The following DACH1 variants were observed in gnomAD, a reference collection of about 807,000 sequenced individuals.
DACH1 encodes dachshund family transcription factor 1, also known as dachshund homolog 1.
A neutral mutation model predicts 54.2 loss-of-function variants in DACH1; 12 were observed. The ratio of observed to expected loss-of-function variants is 0.22; its 90% CI spans 0.14 to 0.36. DACH1 has a LOEUF of 0.36. Among genes scored for constraint, DACH1 ranks in the 10% least tolerant of loss-of-function variants. The pLI, the probability that DACH1 is intolerant of heterozygous loss-of-function variation, is 1.00. For synonymous variants in DACH1, 386 were observed against 366.2 expected, an observed-to-expected ratio of 1.05 and a Z score of -0.62; for missense variants, 805 against 929.8, an observed-to-expected ratio of 0.87 and a Z score of 1.75.
intron 2 of DACH1, among the ~76,000 whole-genome samples, chr13:71,642,453 T>C (rs1204456219): frequency 6.6e-6 from 1 of 152,234 alleles, no homozygotes; most frequent in Non-Finnish European, 1.5e-5. Flanking sequence ...CAAGTACGTA[T>C]ATCTCTTCTG....
chr13:71,808,529 T>C (rs538060185), intron 1 of DACH1, among the ~76,000 whole-genome samples: 5 of 152,192 alleles, frequency 3.3e-5, no homozygotes, highest in Admixed American at 6.5e-5. Flanking sequence ...GAGGCACTAA[T>C]GTAATCTATT....
chr13:71,476,948 T>C (rs1220697138), intron 8 of DACH1, among the ~76,000 whole-genome samples: 1 of 151,256 alleles, frequency 6.6e-6, no homozygotes, highest in African/African-American at 2.4e-5. Context: ...CATTCCATAT[T>C]TACTGTTTGA....
chr13:71,648,824 T>G (rs1285123188), intron 2 of DACH1, among the ~76,000 whole-genome samples: 2 of 152,158 alleles, frequency 1.3e-5, no homozygotes, highest in Admixed American at 6.5e-5. Context: ...TTCCTTCCTA[T>G]AATCTCACCA....
At chr13:71,809,186 T>C (rs1334081937) in intron 1 of DACH1, among the ~76,000 whole-genome samples, 1 of 152,110 alleles carries the variant, frequency 6.6e-6, no homozygotes, top group African/African-American at 2.4e-5. Flanking sequence ...AAAAAACAAA[T>C]ATGTGAAAAG....
At chr13:71,460,750 T>C (rs2138138619) in intron 10 of DACH1, among the ~76,000 whole-genome samples, 1 of 152,162 alleles carries the variant, frequency 6.6e-6, no homozygotes, top group Admixed American at 6.6e-5. Flanking sequence ...CAATAAAATA[T>C]CTATGAATAA....
At chr13:71,518,811 C>A (rs1052450226) in intron 6 of DACH1, among the ~76,000 whole-genome samples, 3 of 151,626 alleles carry the variant, frequency 2.0e-5, no homozygotes, top group African/African-American at 7.3e-5. Flanking sequence ...AACTATGGAC[C>A]ATAGGTCAGA....
At chr13:71,835,681 T>C (rs1888755654) in intron 1 of DACH1, among the ~76,000 whole-genome samples, 1 of 152,122 alleles carries the variant, frequency 6.6e-6, no homozygotes, top group Admixed American at 6.6e-5. Context: ...GAATTAGTAA[T>C]ATTGTTTCTG....
At chr13:71,768,902 T>A (rs1244947185) in intron 1 of DACH1, among the ~76,000 whole-genome samples, 1 of 151,864 alleles carries the variant, frequency 6.6e-6, no homozygotes, top group African/African-American at 2.4e-5. Context: ...GTCTTGGAGC[T>A]TTTTTTCTCT....
chr13:71,641,500 G>T (rs1194075952), intron 2 of DACH1, among the ~76,000 whole-genome samples: 1 of 152,022 alleles, frequency 6.6e-6, no homozygotes, highest in Non-Finnish European at 1.5e-5. Context: ...TCCTCATCTG[G>T]TTACAAAGAA....
chr13:71,503,067 G>T (rs1354036958), intron 6 of DACH1, among the ~76,000 whole-genome samples: 1 of 152,144 alleles, frequency 6.6e-6, no homozygotes, highest in Non-Finnish European at 1.5e-5. Flanking sequence ...CATCTCTTGG[G>T]ACAGGCAGCA....
At chr13:71,576,083 CAT>C (rs1885510130) in intron 3 of DACH1, among the ~76,000 whole-genome samples, 1 of 151,994 alleles carries the variant, frequency 6.6e-6, no homozygotes, top group South Asian at 2.1e-4. Context: ...AACACACAAA[CAT>C]ATATACACAC....
rs568807620 is a variant in DACH1, at chr13:71,702,183, A to C, written c.849-20273T>G. ...TTATTCACATCTAAAGACTTGAAAT[A>C]TATGAAGTTCTCAACTTTAAAATGA... On this transcript the variant is annotated intron_variant, in intron 1 of 10. Coordinates refer to ENST00000613252, the MANE Select transcript of DACH1 (RefSeq NM_080759.6). Among the ~76,000 whole-genome samples, 9 of 152,312 alleles carry C rather than the reference A, an allele frequency of 5.9e-5. No homozygotes were observed. In the South Asian group the frequency reaches 1.7e-3, roughly 28 times the overall value.
chr13:71,630,815 G>C (rs951439463), intron 2 of DACH1, 98 bp from the exon 3 acceptor site: 16 of 1,328,398 alleles, frequency 1.2e-5, no homozygotes, highest in Non-Finnish European at 1.5e-5. Context: ...ATTTATTAGA[G>C]TATCTGATTC....
chr13:71,601,820 A>C (rs1456817421), intron 3 of DACH1, among the ~76,000 whole-genome samples: 1 of 152,024 alleles, frequency 6.6e-6, no homozygotes, highest in Admixed American at 6.6e-5. Flanking sequence ...AAAATAGTAC[A>C]ATAACCCATG....
At chr13:71,608,708 G>A (rs560575874) in intron 3 of DACH1, among the ~76,000 whole-genome samples, 1 of 152,208 alleles carries the variant, frequency 6.6e-6, no homozygotes, top group South Asian at 2.1e-4. Flanking sequence ...AAGGACTGAA[G>A]TATAATGATT....
chr13:71,485,575 C>CTTTT (rs68024614), intron 7 of DACH1, among the ~76,000 whole-genome samples: 52 of 46,154 alleles, frequency 1.1e-3, no homozygotes, highest in East Asian at 3.3e-3. Flanking sequence ...TTCTTTTCTT[C>CTTTT]TTTTTTTTTT....
chr13:71,453,277 G>A (rs1875241574), intron 10 of DACH1, among the ~76,000 whole-genome samples: 2 of 152,148 alleles, frequency 1.3e-5, no homozygotes, highest in South Asian at 4.1e-4. Flanking sequence ...AATCATATAA[G>A]TGCAAATCTG....
intron 3 of DACH1, among the ~76,000 whole-genome samples, chr13:71,627,980 T>C (rs185349644): frequency 1.3e-5 from 2 of 152,088 alleles, no homozygotes; most frequent in Non-Finnish European, 2.9e-5. Flanking sequence ...ACCTTACTGA[T>C]GACCAAACAA....
rs1306400504 is a variant in DACH1 at position 71,651,674 on chromosome 13, C to CTGTATA, written c.965-20958_965-20957insTATACA. ...CATGTATATGTATCTGTATCTGTATCTGTATCTGTATATGTATATGTATAT... is the reference window on the plus strand; with the variant it reads ...CATGTATATGTATCTGTATCTGTATCTGTATATGTATCTGTATATGTATATGTATAT... On this transcript the variant is annotated intron_variant, in intron 2 of 10. Coordinates refer to ENST00000613252, the MANE Select transcript of DACH1 (RefSeq NM_080759.6). 2.3e-3 allele frequency among the ~76,000 whole-genome samples: 314 copies of CTGTATA among 135,976 alleles called. 1 individual carries two copies. The highest frequency in any genetic ancestry group is 6.7e-3 in the African/African-American group (210 of 31,384). 89.2% of individuals were successfully genotyped at this position (135,976 alleles called of 152,430 possible). A position where few individuals can be genotyped will look rare whatever the true frequency, so the allele number is the denominator to read the frequency against.
Sources: allele counts gnomAD v4.1 joint callset (sites outside exome capture counted in the v4.1 genomes callset), GRCh38; gene constraint gnomAD v4.1.1; transcripts MANE v1.5; gene names NCBI Gene and HGNC (gene_info 2026-07-23, HGNC 2026-07-21).